Variants in RAB3C observed in about 807,000 individuals in gnomAD.
The protein encoded by RAB3C is ras-related protein Rab-3C.
RAB3C carries 17 observed loss-of-function variants against 26.4 expected under a neutral mutation model. That is an observed-to-expected ratio of 0.64 (90% CI 0.44 to 0.97). The LOEUF (loss-of-function observed/expected upper bound fraction) is 0.97. Ranked by LOEUF, RAB3C falls within the 50% of genes least tolerant of loss-of-function variation. RAB3C has a pLI of 0.00. For synonymous variants in RAB3C, 91 were observed against 95.9 expected (o/e 0.95, Z 0.30); for missense variants, 242 against 281.9 (o/e 0.86, Z 1.01).
At chr5:58,837,426 C>T (rs1271745512) in intron 4 of RAB3C, among the ~76,000 whole-genome samples, 2 of 152,108 alleles carry the variant, frequency 1.3e-5, no homozygotes, top group African/African-American at 2.4e-5. Context: ...AAGTGACCCG[C>T]CCCTCTTGGC....
intron 2 of RAB3C, among the ~76,000 whole-genome samples, chr5:58,717,421 G>A (rs1376476232): frequency 6.6e-6 from 1 of 152,090 alleles, no homozygotes; most frequent in Non-Finnish European, 1.5e-5. Flanking sequence ...GGCTTCTTCA[G>A]TGAAGCCTGT....
At chr5:58,761,957 A>G (rs940751364) in intron 3 of RAB3C, among the ~76,000 whole-genome samples, 1 of 152,116 alleles carries the variant, frequency 6.6e-6, no homozygotes, top group African/African-American at 2.4e-5. Context: ...AATAATATTA[A>G]ATTTTTTCAC....
chr5:58,611,481 G>A (rs754502185), intron 1 of RAB3C, among the ~76,000 whole-genome samples: 112 of 152,154 alleles, frequency 7.4e-4, no homozygotes, highest in Admixed American at 1.4e-3. Context: ...GTAATGATCA[G>A]TGATGTTGAC....
At chr5:58,756,317 T>TTATA (rs372230172) in intron 3 of RAB3C, among the ~76,000 whole-genome samples, 38 of 139,238 alleles carry the variant, frequency 2.7e-4, no homozygotes, top group Middle Eastern at 3.6e-3. Context: ...GCCCCAGTAG[T>TTATA]TATATATATA....
At chr5:58,823,667 A>G (rs1199806588) in intron 3 of RAB3C, 3 of 209,382 alleles carry the variant, frequency 1.4e-5, no homozygotes, top group Non-Finnish European at 3.1e-5. Flanking sequence ...AGGTAGCTCA[A>G]AAGAAGGGAA....
chr5:58,597,769 T>C (rs1452620997), intron 1 of RAB3C, among the ~76,000 whole-genome samples: 1 of 110,302 alleles, frequency 9.1e-6, no homozygotes, highest in African/African-American at 3.9e-5. Flanking sequence ...GTATATAACA[T>C]ATAATACATT....
At chr5:58,767,483 A>C (rs1741930362) in intron 3 of RAB3C, among the ~76,000 whole-genome samples, 2 of 152,232 alleles carry the variant, frequency 1.3e-5, no homozygotes, top group South Asian at 4.1e-4. Context: ...GGGTTAAATA[A>C]ATCACAGTCC....
At position 58,816,511 on chromosome 5, in the gene RAB3C, G is replaced by A. The variant is rs1743220997; in HGVS notation, c.372-8527G>A. Among the ~76,000 whole-genome samples the A allele has an allele frequency of 1.3e-5, 2 of 152,162 alleles. 1 individual carries two copies. Among genetic ancestry groups the A allele is most frequent in the Admixed American group, 1.3e-4 (2 of 15,260 alleles). On this transcript the variant is annotated intron_variant, in intron 3 of 4. Coordinates refer to ENST00000282878, the MANE Select transcript of RAB3C (RefSeq NM_138453.4). ...CCGTTGCTTTCACGAAAGCTGTAAA[G>A]CAAAGAGATGCAGATACTGACAGTT...
intron 2 of RAB3C, among the ~76,000 whole-genome samples, chr5:58,720,086 G>A (rs10471459): frequency 0.12 from 18,966 of 151,810 alleles, 1,540 homozygotes; most frequent in Non-Finnish European, 0.18. Flanking sequence ...GAGGGACTTC[G>A]ACACTAAATA....
chr5:58,796,133 C>T (rs1158112140), intron 3 of RAB3C, among the ~76,000 whole-genome samples: 1 of 152,282 alleles, frequency 6.6e-6, no homozygotes, highest in South Asian at 2.1e-4. Context: ...AAAAATCTAA[C>T]AGGGTCTGGG....
At chr5:58,782,354 C>G (rs1186518352) in intron 3 of RAB3C, among the ~76,000 whole-genome samples, 1 of 152,142 alleles carries the variant, frequency 6.6e-6, no homozygotes, top group Admixed American at 6.6e-5. Flanking sequence ...ACATGCCCCC[C>G]TACTTCCTCT....
intron 2 of RAB3C, among the ~76,000 whole-genome samples, chr5:58,645,270 T>C (rs115590782): frequency 0.022 from 3,382 of 152,322 alleles, 75 homozygotes; most frequent in Admixed American, 0.059. Flanking sequence ...AGTATATAAA[T>C]TGAGAGATCA....
At chr5:58,789,237 C>T (rs1431408713) in intron 3 of RAB3C, among the ~76,000 whole-genome samples, 3 of 151,994 alleles carry the variant, frequency 2.0e-5, no homozygotes, top group African/African-American at 7.2e-5. Context: ...CATTTAGAGC[C>T]CGTTCTTCTC....
At chr5:58,673,770 T>A (rs962594246) in intron 2 of RAB3C, among the ~76,000 whole-genome samples, 9 of 152,226 alleles carry the variant, frequency 5.9e-5, no homozygotes, top group African/African-American at 2.2e-4. Flanking sequence ...ACTTTTTGTG[T>A]ATCTGCATGT....
At chr5:58,608,763 C>T (rs1746627364) in intron 1 of RAB3C, among the ~76,000 whole-genome samples, 1 of 152,116 alleles carries the variant, frequency 6.6e-6, no homozygotes, top group Non-Finnish European at 1.5e-5. Flanking sequence ...GCACTATTCA[C>T]AATAGCAAAG....
intron 2 of RAB3C, among the ~76,000 whole-genome samples, chr5:58,724,822 C>A (rs896495772): frequency 6.6e-6 from 1 of 151,430 alleles, no homozygotes; most frequent in Admixed American, 6.6e-5. Flanking sequence ...AAAAAAAAAC[C>A]CTCTGCACTT....
chr5:58,738,906 T>C (rs554462559), intron 3 of RAB3C, among the ~76,000 whole-genome samples: 1 of 152,318 alleles, frequency 6.6e-6, no homozygotes, highest in South Asian at 2.1e-4. Context: ...TGAAATTAGT[T>C]ACTTGCCTTT....
At chr5:58,845,612 A>ATATATATATATATATATATCTGTGTG in intron 4 of RAB3C, among the ~76,000 whole-genome samples, 1 of 81,744 alleles carries the variant, frequency 1.2e-5, no homozygotes, top group African/African-American at 5.8e-5. Flanking sequence ...ATATATATAT[A>ATATATATATATATATATATCTGTGTG]TGTGTGTGTG....
At chr5:58,738,475 G>A (rs1741202434) in intron 3 of RAB3C, among the ~76,000 whole-genome samples, 1 of 152,170 alleles carries the variant, frequency 6.6e-6, no homozygotes, top group South Asian at 2.1e-4. Context: ...CATGTTAGCA[G>A]TTAATGTGCT....
Sources: gnomAD v4.1 joint callset for allele counts (sites outside exome capture counted in the v4.1 genomes callset) on GRCh38, gnomAD v4.1.1 for gene constraint, MANE v1.5 for transcripts, NCBI Gene and HGNC (gene_info 2026-07-23, HGNC 2026-07-21) for gene names.